The following DRC5 variants were observed in gnomAD, a reference collection of about 807,000 sequenced individuals.
DRC5 encodes the protein dynein regulatory complex subunit 5.
At chr6:44,285,879 G>A in the DRC5 span, 1 of 1,248,868 alleles carries the variant, frequency 8.0e-7, no homozygotes, top group Non-Finnish European at 1.1e-6. Flanking sequence ...TAGGAAGAAG[G>A]CAATAATAGA....
the DRC5 span, chr6:44,279,998 T>C: frequency 1.7e-6 from 1 of 586,412 alleles, no homozygotes; most frequent in Non-Finnish European, 3.0e-6. Flanking sequence ...GCATACCCTT[T>C]CTTCCCCCAT....
chr6:44,287,470 T>A, the DRC5 span: 2 of 1,435,488 alleles, frequency 1.4e-6, no homozygotes, highest in Non-Finnish European at 1.9e-6. Flanking sequence ...GCTTCTGCAG[T>A]CTTGGCTCCG....
the DRC5 span, among the ~76,000 whole-genome samples, chr6:44,294,662 A>C: frequency 2.6e-5 from 4 of 151,264 alleles, no homozygotes; most frequent in African/African-American, 9.7e-5. Flanking sequence ...GGTGGTTTAT[A>C]AGATAATTAG....
At chr6:44,289,787 C>G in the DRC5 span, among the ~76,000 whole-genome samples, 1 of 152,240 alleles carries the variant, frequency 6.6e-6, no homozygotes, top group African/African-American at 2.4e-5. Context: ...CCCATTCCTG[C>G]ACCCTTGCAC....
At chr6:44,290,758 T>G in the DRC5 span, among the ~76,000 whole-genome samples, 1 of 152,312 alleles carries the variant, frequency 6.6e-6, no homozygotes, top group East Asian at 1.9e-4. Flanking sequence ...GTTGCTGGTG[T>G]GCATTGCCCT....
chr6:44,291,333 A>G, the DRC5 span, among the ~76,000 whole-genome samples: 1 of 152,250 alleles, frequency 6.6e-6, no homozygotes. Context: ...AGATTCTTCT[A>G]AGGAGGATTT....
the DRC5 span, among the ~76,000 whole-genome samples, chr6:44,290,593 G>A: frequency 0.04 from 6,077 of 152,242 alleles, 228 homozygotes; most frequent in East Asian, 0.18. Context: ...GTACGACAGA[G>A]GCAAAGGAGG....
At chr6:44,287,639 G>A in the DRC5 span, 24 of 1,614,070 alleles carry the variant, frequency 1.5e-5, no homozygotes, top group African/African-American at 5.3e-5. Flanking sequence ...GCAATGATCC[G>A]GCGCATCCGA....
the DRC5 span, among the ~76,000 whole-genome samples, chr6:44,291,112 G>A: frequency 5.3e-5 from 8 of 152,336 alleles, no homozygotes; most frequent in East Asian, 1.4e-3. Context: ...CATGGCTGCC[G>A]TGTGCATGGC....
chr6:44,289,163 G>A, the DRC5 span, among the ~76,000 whole-genome samples: 3 of 145,654 alleles, frequency 2.1e-5, no homozygotes, highest in South Asian at 6.7e-4. Context: ...TCAGCCTCCC[G>A]ATTACAGGGA....
the DRC5 span, among the ~76,000 whole-genome samples, chr6:44,288,383 C>T: frequency 2.1e-3 from 324 of 152,252 alleles, 1 homozygote; most frequent in African/African-American, 7.2e-3. Flanking sequence ...AGCAGAGAGG[C>T]TAATTGACTT....
the DRC5 span, chr6:44,282,694 T>C: frequency 1.5e-6 from 1 of 663,410 alleles, no homozygotes; most frequent in Admixed American, 2.9e-5. Context: ...CCTACCAGCA[T>C]GGCAGAGTAG....
At chr6:44,282,216 A>C in the DRC5 span, 1 of 1,614,180 alleles carries the variant, frequency 6.2e-7, no homozygotes, top group Non-Finnish European at 8.5e-7. Context: ...ATTGCCACCG[A>C]GGTGCAGCGT....
chr6:44,294,171 G>A, the DRC5 span, among the ~76,000 whole-genome samples: 9 of 152,038 alleles, frequency 5.9e-5, no homozygotes, highest in East Asian at 2.0e-4. Context: ...TAGTAGAGAC[G>A]GGGTTTCTCC....
At chr6:44,282,507 A>T in the DRC5 span, 122 of 1,605,714 alleles carry the variant, frequency 7.6e-5, no homozygotes, top group Non-Finnish European at 9.8e-5. Context: ...AAGGCTTCGA[A>T]TTATGATGCG....
the DRC5 span, among the ~76,000 whole-genome samples, chr6:44,297,279 G>A: frequency 2.6e-5 from 4 of 152,188 alleles, no homozygotes; most frequent in African/African-American, 9.7e-5. Context: ...GGGAACGGAC[G>A]GCCTTTCGGA....
At chr6:44,285,738 G>A in the DRC5 span, among the ~76,000 whole-genome samples, 8 of 152,162 alleles carry the variant, frequency 5.3e-5, no homozygotes, top group Non-Finnish European at 7.3e-5. Context: ...GGCCTGGAGC[G>A]CAGCTGTTTG....
the DRC5 span, chr6:44,286,143 G>A: frequency 6.2e-7 from 1 of 1,613,890 alleles, no homozygotes; most frequent in Non-Finnish European, 8.5e-7. Context: ...TCAACGGTGG[G>A]CTCCTCCATC....
chr6:44,294,377 TATAAG>T, the DRC5 span, among the ~76,000 whole-genome samples: 1 of 151,508 alleles, frequency 6.6e-6, no homozygotes, highest in East Asian at 1.9e-4. Context: ...CATGACTACA[TATAAG>T]ATATCAGGAT....
Sources: gnomAD v4.1 joint callset for allele counts (sites outside exome capture counted in the v4.1 genomes callset) on GRCh38, gnomAD v4.1.1 for gene constraint, MANE v1.5 for transcripts, NCBI Gene and HGNC (gene_info 2026-07-23, HGNC 2026-07-21) for gene names.